SSBP1: variants seen among roughly 807,000 people sequenced by gnomAD.
SSBP1 encodes the protein single stranded DNA binding protein 1, also known as single-stranded DNA-binding protein, mitochondrial.
A neutral mutation model predicts 27.0 loss-of-function variants in SSBP1; 20 were observed. That is an observed-to-expected ratio of 0.74 (90% CI 0.52 to 1.08). SSBP1 has a LOEUF of 1.08. Ranked by LOEUF, SSBP1 falls within the 50% of genes least tolerant of loss-of-function variation. SSBP1 has a pLI of 0.00. For synonymous variants in SSBP1, 59 were observed against 59.3 expected, an observed-to-expected ratio of 1.00 and a Z score of 0.02; for missense variants, 137 against 182.4, an observed-to-expected ratio of 0.75 and a Z score of 1.44.
At chr7:141,743,010 A>G (rs552294968) in intron 3 of SSBP1, among the ~76,000 whole-genome samples, 2 of 152,120 alleles carry the variant, frequency 1.3e-5, no homozygotes, top group South Asian at 4.1e-4. Flanking sequence ...GCCCGCCACC[A>G]CGCCCAGCTA....
intron 6 of SSBP1, among the ~76,000 whole-genome samples, chr7:141,749,511 G>A (rs374906315): frequency 3.9e-5 from 6 of 152,216 alleles, no homozygotes; most frequent in Admixed American, 2.0e-4. Context: ...GGCCAGGTGC[G>A]GTGCTCATGC....
chr7:141,743,780 T>C, intron 4 of SSBP1, 79 bp downstream of exon 4: 1 of 1,542,448 alleles, frequency 6.5e-7, no homozygotes, highest in Non-Finnish European at 8.8e-7. Flanking sequence ...AATTTAGAGA[T>C]AAACCACTTT....
At chr7:141,748,165 T>G (rs1799852977) in intron 6 of SSBP1, among the ~76,000 whole-genome samples, 1 of 152,096 alleles carries the variant, frequency 6.6e-6, no homozygotes, top group African/African-American at 2.4e-5. Flanking sequence ...TGGATTATTT[T>G]GAAACAGATT....
intron 2 of SSBP1, chr7:141,740,675 T>A (rs544743203): frequency 6.6e-6 from 1 of 152,246 alleles, no homozygotes; most frequent in Non-Finnish European, 1.5e-5. Context: ...CTGACAGTGA[T>A]GTGACTTTGA....
chr7:141,741,454 C>T (rs1204559697), intron 2 of SSBP1: 1 of 152,208 alleles, frequency 6.6e-6, no homozygotes, highest in African/African-American at 2.4e-5. Flanking sequence ...TTCGTTATGC[C>T]TGAGAGTAAG....
chr7:141,741,780 C>CTT (rs1799542830), intron 2 of SSBP1: 1 of 1,000,362 alleles, frequency 1.0e-6, no homozygotes, highest in African/African-American at 1.7e-5. Flanking sequence ...AAATACTTGG[C>CTT]AGCAACTCTT....
chr7:141,743,601 C>T lies in SSBP1; in HGVS notation c.126C>T (p.Asp42=). 1 of 1,614,132 alleles carries T rather than the reference C, an allele frequency of 6.2e-7. No individual in the cohort carries two copies. Among genetic ancestry groups the T allele is most frequent in the African/African-American group, 1.3e-5 (1 of 75,014 alleles). ...ACTTACTTGGGCGAGTGGGTCAGGA[C>T]CCTGTCTTGAGACAGGTGGAAGGAA... ...RVHLLGRVGQ[D]PVLRQVEGKN... Residue 42 remains aspartate, a synonymous_variant, in exon 4 of 7, where the codon GAC becomes GAT. Transcript: ENST00000265304.
At chr7:141,745,871 AC>A in intron 6 of SSBP1, 1 of 1,114,976 alleles carries the variant, frequency 9.0e-7, no homozygotes, top group African/African-American at 1.6e-5. Flanking sequence ...AATTACAAAA[AC>A]TCTGAATGTA....
At position 141,739,139 on chromosome 7, in the gene SSBP1, T is replaced by C. The variant is rs779972687; in HGVS notation, c.-28T>C. On this transcript the variant is annotated 5_prime_UTR_variant, in exon 2 of 7. Transcript: ENST00000265304. ...TTTCCTTCAGGAAAAGCCTAAAGAT[T>C]AGACTGTAAGAAAAGAAAATAGAAG... The C allele has an allele frequency of 1.4e-5, 22 of 1,586,318 alleles. No homozygotes were observed. Among genetic ancestry groups the C allele is most frequent in the Non-Finnish European group, 1.9e-5 (22 of 1,169,110 alleles).
intron 5 of SSBP1, among the ~76,000 whole-genome samples, chr7:141,744,694 A>G (rs1011040182): frequency 1.3e-5 from 2 of 152,208 alleles, no homozygotes; most frequent in Non-Finnish European, 2.9e-5. Context: ...TTTTCTTCCT[A>G]TGTATCTTCA....
At chr7:141,742,636 A>AAAG (rs139983662) in intron 3 of SSBP1, among the ~76,000 whole-genome samples, 5,419 of 152,278 alleles carry the variant, frequency 0.036, 224 homozygotes, top group South Asian at 0.15. Flanking sequence ...AAGATATCTT[A>AAAG]AAGAATTTAA....
In SSBP1 at chr7:141,742,162, T is replaced by A. The variant is rs202051575; in HGVS notation, c.25-7T>A. On this transcript the variant is annotated splice_region_variant and splice_polypyrimidine_tract_variant and intron_variant, in intron 2 of 6. Coordinates refer to ENST00000265304, the MANE Select transcript of SSBP1 (RefSeq NM_003143.3). ...TAAAGCCATGTTATTCATTTGTTCT[T>A]CTTTAGGTACTTCGTCAGTTTGTAA... 262 of 1,597,550 alleles carry A rather than the reference T, an allele frequency of 1.6e-4. 1 individual carries two copies. Among genetic ancestry groups the A allele is most frequent in the Non-Finnish European group, 1.9e-4 (219 of 1,166,852 alleles).
intron 6 of SSBP1, 116 bp downstream of exon 6, chr7:141,745,700 C>A (rs1799756327): frequency 5.4e-6 from 8 of 1,469,286 alleles, no homozygotes; most frequent in Non-Finnish European, 7.2e-6. Flanking sequence ...GTTAAGGCAA[C>A]TCACTAGAAG....
chr7:141,741,726 T>C, intron 2 of SSBP1: 1 of 984,328 alleles, frequency 1.0e-6, no homozygotes, highest in Non-Finnish European at 1.2e-6. Flanking sequence ...TGTAGTACTT[T>C]TTGTCTCTTT....
chr7:141,742,275 G>C (rs370677946), intron 3 of SSBP1, 46 bp downstream of exon 3: 1 of 1,459,512 alleles, frequency 6.9e-7, no homozygotes, highest in South Asian at 1.1e-5. Flanking sequence ...TTAGTAATTT[G>C]CCAATCTCAA....
chr7:141,744,040 TAAG>T, intron 5 of SSBP1, 51 bp downstream of exon 5: 1 of 1,522,818 alleles, frequency 6.6e-7, no homozygotes, highest in Admixed American at 1.8e-5. Context: ...AAAGAACCGA[TAAG>T]AAGTGTTCTC....
rs746963680 is a variant in SSBP1, at chr7:141,745,577, C to A, written c.396C>A (p.Ile132=). 9 of 1,613,238 alleles carry A rather than the reference C, an allele frequency of 5.6e-6. No homozygotes were observed. In the African/African-American group the frequency reaches 1.1e-4, roughly 19 times the overall value. The stretch of plus-strand genomic sequence containing the variant: ...ATGTGAGGCGACAAGCAACAACAAT[C>A]ATAGCTGGTAAGAAGCTTGTGAAAA... The part of the protein sequence containing the change: ...KNNVRRQATT[I]IADNIIFLSD... The change falls in exon 6 of 7, where the codon ATC becomes ATA. Residue 132 remains isoleucine, a synonymous_variant. Coordinates refer to ENST00000265304, the MANE Select transcript of SSBP1 (RefSeq NM_003143.3).
chr7:141,744,497 G>C (rs564034496), intron 5 of SSBP1, among the ~76,000 whole-genome samples: 1 of 152,274 alleles, frequency 6.6e-6, no homozygotes, highest in Non-Finnish European at 1.5e-5. Context: ...CCTTTTGGAA[G>C]GCTTGGATTG....
At chr7:141,741,875 C>T (rs1799546717) in intron 2 of SSBP1, 9 of 878,546 alleles carry the variant, frequency 1.0e-5, no homozygotes, top group Non-Finnish European at 1.3e-5. Flanking sequence ...TGTGCAAACA[C>T]AGAAGTGCCA....
Sources: gnomAD v4.1 joint callset for allele counts (sites outside exome capture counted in the v4.1 genomes callset) on GRCh38, gnomAD v4.1.1 for gene constraint, MANE v1.5 for transcripts, NCBI Gene and HGNC (gene_info 2026-07-23, HGNC 2026-07-21) for gene names.